KHDRBS2: variants seen among roughly 807,000 people sequenced by gnomAD.
KHDRBS2 encodes KH RNA binding domain containing, signal transduction associated 2, also known as KH domain-containing, RNA-binding, signal transduction-associated protein 2.
A neutral mutation model predicts 44.3 loss-of-function variants in KHDRBS2; 26 were observed. The ratio of observed to expected loss-of-function variants is 0.59; its 90% CI spans 0.43 to 0.81. KHDRBS2 has a LOEUF of 0.81. Among genes scored for constraint, KHDRBS2 ranks in the 40% least tolerant of loss-of-function variants. The pLI, the probability that KHDRBS2 is intolerant of heterozygous loss-of-function variation, is 0.00. For synonymous variants in KHDRBS2, 194 were observed against 151.1 expected (o/e 1.28, Z -2.08); for missense variants, 476 against 433.1 (o/e 1.10, Z -0.88).
At chr6:61,971,189 T>C (rs1318600146) in intron 4 of KHDRBS2, among the ~76,000 whole-genome samples, 4 of 152,120 alleles carry the variant, frequency 2.6e-5, no homozygotes, top group Non-Finnish European at 5.9e-5. Context: ...TTACATACAC[T>C]ACGTAGAAAG....
At chr6:61,696,548 C>T (rs1401017597) in intron 8 of KHDRBS2, among the ~76,000 whole-genome samples, 2 of 151,990 alleles carry the variant, frequency 1.3e-5, no homozygotes, top group East Asian at 1.9e-4. Flanking sequence ...TGAGCCACCA[C>T]GCCCGGCCAC....
intron 7 of KHDRBS2, among the ~76,000 whole-genome samples, chr6:61,704,591 G>A (rs1288436099): frequency 6.6e-6 from 1 of 151,766 alleles, no homozygotes; most frequent in Non-Finnish European, 1.5e-5. Flanking sequence ...GAAGGACCTT[G>A]TCTTAACATG....
intron 3 of KHDRBS2, among the ~76,000 whole-genome samples, chr6:62,013,291 T>C (rs904420375): frequency 1.3e-5 from 2 of 152,132 alleles, no homozygotes; most frequent in African/African-American, 2.4e-5. Context: ...TAAACATGAA[T>C]AGAATTTATT....
intron 6 of KHDRBS2, among the ~76,000 whole-genome samples, chr6:61,789,907 G>T (rs1403253205): frequency 6.6e-6 from 1 of 151,350 alleles, no homozygotes; most frequent in African/African-American, 2.4e-5. Flanking sequence ...ATAAAGTAAG[G>T]CTCAATTATT....
intron 1 of KHDRBS2, among the ~76,000 whole-genome samples, chr6:62,256,329 C>T (rs994351160): frequency 6.6e-6 from 1 of 151,974 alleles, no homozygotes; most frequent in Non-Finnish European, 1.5e-5. Context: ...GTGTCCCCAC[C>T]CAAATCTGAT....
chr6:61,560,194 T>C, the KHDRBS2 span, among the ~76,000 whole-genome samples: 3 of 152,202 alleles, frequency 2.0e-5, no homozygotes, highest in Admixed American at 1.3e-4. Context: ...CTCCATTATA[T>C]GTTATTTGTT....
At chr6:61,980,580 G>T (rs1773633229) in intron 3 of KHDRBS2, among the ~76,000 whole-genome samples, 3 of 152,138 alleles carry the variant, frequency 2.0e-5, no homozygotes, top group African/African-American at 7.2e-5. Flanking sequence ...TGATCTGAGG[G>T]ATCAAAATTG....
chr6:61,706,263 T>C (rs1361213790), intron 7 of KHDRBS2, among the ~76,000 whole-genome samples: 1 of 151,816 alleles, frequency 6.6e-6, no homozygotes, highest in Non-Finnish European at 1.5e-5. Flanking sequence ...TTCAGTTCTA[T>C]CTGGAACAAG....
chr6:61,820,657 G>A (rs1789753022), intron 6 of KHDRBS2, among the ~76,000 whole-genome samples: 1 of 151,920 alleles, frequency 6.6e-6, no homozygotes, highest in South Asian at 2.1e-4. Context: ...TTGCTCATAG[G>A]TGTTTTCTGG....
chr6:62,273,844 CTAAT>C (rs1840479145), intron 1 of KHDRBS2, among the ~76,000 whole-genome samples: 1 of 152,174 alleles, frequency 6.6e-6, no homozygotes, highest in Admixed American at 6.5e-5. Context: ...CTGTCATTAA[CTAAT>C]TACCAATGAG....
chr6:61,561,875 C>T, the KHDRBS2 span, among the ~76,000 whole-genome samples: 2 of 152,118 alleles, frequency 1.3e-5, no homozygotes, highest in Non-Finnish European at 1.5e-5. Context: ...CTTCCCTCCC[C>T]ACTCCCAACA....
the KHDRBS2 span, among the ~76,000 whole-genome samples, chr6:61,663,812 G>A: frequency 6.6e-6 from 1 of 151,486 alleles, no homozygotes; most frequent in Non-Finnish European, 1.5e-5. Context: ...GATGTCACTT[G>A]AAAACTAAGT....
At chr6:61,965,062 T>C (rs1769605085) in intron 4 of KHDRBS2, among the ~76,000 whole-genome samples, 1 of 152,116 alleles carries the variant, frequency 6.6e-6, no homozygotes, top group South Asian at 2.1e-4. Flanking sequence ...GAAGTTCTGT[T>C]GCTTTTTGGA....
the KHDRBS2 span, among the ~76,000 whole-genome samples, chr6:61,672,495 T>C: frequency 7.2e-5 from 11 of 152,116 alleles, no homozygotes; most frequent in Non-Finnish European, 5.9e-5. Flanking sequence ...CTCCACATCC[T>C]CTCCAGCACC....
At chr6:61,793,688 A>G (rs1022840149) in intron 6 of KHDRBS2, among the ~76,000 whole-genome samples, 2 of 152,116 alleles carry the variant, frequency 1.3e-5, no homozygotes, top group East Asian at 1.9e-4. Flanking sequence ...ATAATATTTC[A>G]TAATTTAAAA....
intron 1 of KHDRBS2, among the ~76,000 whole-genome samples, chr6:62,216,178 A>G (rs1380568172): frequency 6.6e-6 from 1 of 151,736 alleles, no homozygotes; most frequent in African/African-American, 2.4e-5. Flanking sequence ...TTTAGATTTT[A>G]CATTTAAATT....
chr6:62,239,029 G>A (rs114732153), intron 1 of KHDRBS2, among the ~76,000 whole-genome samples: 1 of 152,110 alleles, frequency 6.6e-6, no homozygotes, highest in Non-Finnish European at 1.5e-5. Flanking sequence ...AGATGTTAGG[G>A]ATTAAAGAGA....
At chr6:62,089,719 G>A (rs1168086621) in intron 2 of KHDRBS2, among the ~76,000 whole-genome samples, 1 of 152,128 alleles carries the variant, frequency 6.6e-6, no homozygotes, top group Non-Finnish European at 1.5e-5. Context: ...TAAACTGATA[G>A]TAAGTACAAA....
At chr6:61,960,803 A>G (rs1768514791) in intron 4 of KHDRBS2, among the ~76,000 whole-genome samples, 1 of 152,144 alleles carries the variant, frequency 6.6e-6, no homozygotes. Flanking sequence ...TAAAGGCTTA[A>G]TCTTCATGAG....
Sources: allele counts gnomAD v4.1 joint callset (sites outside exome capture counted in the v4.1 genomes callset), GRCh38; gene constraint gnomAD v4.1.1; transcripts MANE v1.5; gene names NCBI Gene and HGNC (gene_info 2026-07-23, HGNC 2026-07-21).